Variants in SIN3B observed in about 807,000 individuals in gnomAD.
The protein encoded by SIN3B is SIN3 transcription regulator family member B, also known as paired amphipathic helix protein Sin3b.
A neutral mutation model predicts 120.2 loss-of-function variants in SIN3B; 19 were observed. The ratio of observed to expected loss-of-function variants is 0.16; its 90% CI spans 0.11 to 0.23. The LOEUF (loss-of-function observed/expected upper bound fraction) is 0.23. Ranked by LOEUF, SIN3B falls within the 10% of genes least tolerant of loss-of-function variation. SIN3B has a pLI of 1.00. For synonymous variants in SIN3B, 654 were observed against 653.2 expected (o/e 1.00, Z -0.02); for missense variants, 1,073 against 1,573.0 (o/e 0.68, Z 5.38).
At chr19:16,844,398 G>T (rs143714701) in intron 4 of SIN3B, among the ~76,000 whole-genome samples, 135 of 152,242 alleles carry the variant, frequency 8.9e-4, no homozygotes, top group African/African-American at 3.2e-3. Flanking sequence ...GTTCTTATCC[G>T]TAAAATGGCC....
At position 16,878,308 on chromosome 19, in the gene SIN3B, A is replaced by G. The variant is rs2051639088; in HGVS notation, c.3080A>G (p.Lys1027Arg). ...GCCTGCGACGTGGACTGCCGCTTCA[A>G]GCTCAGCACTCACAAGATGGTGTTC... ...ESACDVDCRFKLSTHKMVFIV... is the reference protein window; with the variant it reads ...ESACDVDCRFRLSTHKMVFIV... The change falls in exon 18 of 19, where the codon AAG becomes AGG. Residue 1027 changes from lysine (K) to arginine (R), a missense_variant. Physicochemically the swap from Lys to Arg is conservative, Grantham distance 26. This residue lies in a region of SIN3B where 311 missense variants were observed against 400.3 expected (regional missense o/e 0.78). Transcript: ENST00000248054. 1 of 1,611,526 alleles carries G rather than the reference A, an allele frequency of 6.2e-7. No homozygotes were observed. The highest frequency in any genetic ancestry group is 8.5e-7 in the Non-Finnish European group (1 of 1,179,340).
At position 16,834,155 on chromosome 19, in the gene SIN3B, G is replaced by A. The variant is rs528725014; in HGVS notation, c.381+2508G>A. 4.4e-4 allele frequency among the ~76,000 whole-genome samples: 67 copies of A among 152,266 alleles called. No individual in the cohort carries two copies. The South Asian group carries it at 0.013, about 29-fold the overall frequency. On this transcript the variant is annotated intron_variant, in intron 3 of 18. Transcript: ENST00000248054. ...TGTGTCTTAGACCATGAAAGCCTTA[G>A]CAAGACTGATCTCCAGAACAGTCAC...
intron 1 of SIN3B, 88 bp from the exon 2 acceptor site, chr19:16,829,703 C>T: frequency 7.2e-7 from 1 of 1,382,446 alleles, no homozygotes; most frequent in Non-Finnish European, 1.0e-6. Context: ...TCCGAAAGCC[C>T]AGCCCATCCC....
rs1441309317 is a variant in SIN3B, at chr19:16,869,451, C to G, written c.1807-9C>G. On this transcript the variant is annotated splice_polypyrimidine_tract_variant and intron_variant, in intron 12 of 18. Coordinates refer to ENST00000248054, the MANE Select transcript of SIN3B (RefSeq NM_001297595.2). The stretch of plus-strand genomic sequence containing the variant: ...GCTTTCCACCTAATGGCCGCCCTTC[C>G]CCCCACAGCACCAGGAGCAGCACTC... The G allele has an allele frequency of 6.3e-7, 1 of 1,597,548 alleles. No individual in the cohort carries two copies. The highest frequency in any genetic ancestry group is 1.3e-5 in the African/African-American group (1 of 74,656).
In SIN3B at chr19:16,869,983, A is replaced by G; in HGVS notation, c.2330A>G (p.Tyr777Cys). 1.2e-6 allele frequency: 2 copies of G among 1,614,084 alleles called. No individual in the cohort carries two copies. Among genetic ancestry groups the G allele is most frequent in the Non-Finnish European group, 1.7e-6 (2 of 1,180,028 alleles). The change falls in exon 13 of 19, where the codon TAT (tyrosine) becomes TGT (cysteine). Residue 777 changes from tyrosine to cysteine, a missense_variant. By Grantham distance (194) the Tyr-to-Cys change is radical. This residue lies in a region of SIN3B where 52 missense variants were observed against 68.8 expected (regional missense o/e 0.76). Coordinates refer to ENST00000248054, the MANE Select transcript of SIN3B (RefSeq NM_001297595.2). ...YRQAQKQLLE[Y>C]RTEKEREKLL... ...CAGGCGCAGAAGCAGCTTCTGGAGT[A>G]TCGGACCGAGAAGGAGCGGGAGAAG...
intron 14 of SIN3B, among the ~76,000 whole-genome samples, chr19:16,872,956 GGC>G (rs982821333): frequency 6.6e-6 from 1 of 152,186 alleles, no homozygotes; most frequent in African/African-American, 2.4e-5. Context: ...TGTCTGCGGT[GGC>G]CGTCTATGTA....
intron 3 of SIN3B, 72 bp downstream of exon 3, chr19:16,831,719 T>A (rs1971281264): frequency 7.4e-7 from 1 of 1,357,608 alleles, no homozygotes; most frequent in South Asian, 1.2e-5. Context: ...TTGGGCCACG[T>A]GTCTCTCCTG....
chr19:16,847,900 C>T (rs1219337195), intron 5 of SIN3B, among the ~76,000 whole-genome samples: 1 of 152,208 alleles, frequency 6.6e-6, no homozygotes, highest in Non-Finnish European at 1.5e-5. Flanking sequence ...CCATCAGCAG[C>T]CACCCCATTC....
chr19:16,859,367 A>G (rs1971657505), intron 8 of SIN3B, among the ~76,000 whole-genome samples: 1 of 151,882 alleles, frequency 6.6e-6, no homozygotes, highest in Non-Finnish European at 1.5e-5. Flanking sequence ...GTGTTTCAGC[A>G]TCAGATGTGA....
In SIN3B at chr19:16,863,907, A is replaced by T. The variant is rs941201118; in HGVS notation, c.1383+111A>T. The T allele has an allele frequency of 1.4e-5, 10 of 728,184 alleles. No individual in the cohort carries two copies. In the African/African-American group the frequency reaches 1.7e-4, roughly 13 times the overall value. The allele number at this position is 728,184 out of a possible 1,614,324, so 45.1% of individuals were successfully genotyped here. A position where few individuals can be genotyped will look rare whatever the true frequency, so the allele number is the denominator to read the frequency against. ...CCCAGTCTCGTTTGGAGGAGCAGGA[A>T]TTGCAGCACATTCCAACAGCTCCTG... On this transcript the variant is annotated intron_variant, in intron 10 of 18. Transcript: ENST00000248054.
At chr19:16,859,543 C>G (rs1270770320) in intron 8 of SIN3B, among the ~76,000 whole-genome samples, 1 of 152,208 alleles carries the variant, frequency 6.6e-6, no homozygotes. Context: ...AGGCCTTTCC[C>G]TGGTGGTCTC....
intron 13 of SIN3B, among the ~76,000 whole-genome samples, chr19:16,870,587 C>T (rs938478190): frequency 6.6e-6 from 1 of 151,968 alleles, no homozygotes; most frequent in African/African-American, 2.4e-5. Flanking sequence ...GAGTCTTGCT[C>T]TATTGCCCAG....
chr19:16,829,453 CGGTGCCGGCGGCCCCGCGGGCCGG>C lies in SIN3B; in HGVS notation c.36_59del (p.Ala13_Gly20del). On this transcript the variant is annotated inframe_deletion, in exon 1 of 19. Coordinates refer to ENST00000248054, the MANE Select transcript of SIN3B (RefSeq NM_001297595.2). The stretch of plus-strand genomic sequence containing the variant: ...ACGCTGGCGGTGGCAGCGGTGGCAG[CGGTGCCGGCGGCCCCGCGGGCCGG>C]GGGCTGAGCGGCGCCCGCTGGGGTC... The C allele has an allele frequency of 8.2e-7, 1 of 1,214,062 alleles. No individual in the cohort carries two copies. The highest frequency in any genetic ancestry group is 1.0e-6 in the Non-Finnish European group (1 of 976,294). The allele number at this position is 1,214,062 out of a possible 1,614,324, so 75.2% of individuals were successfully genotyped here.
Position 16,830,808 on chromosome 19 carries a change from A to T in SIN3B, c.228-686A>T, listed in dbSNP as rs1281834659. On this transcript the variant is annotated intron_variant, in intron 2 of 18. Transcript: ENST00000248054. Reference sequence around the variant, plus strand: ...TTGCTCAGATGGAAACCTGTGTCATAGTCATCTCTATCTGATACAAAATGA... The same window carrying T: ...TTGCTCAGATGGAAACCTGTGTCATTGTCATCTCTATCTGATACAAAATGA... 2.0e-5 allele frequency among the ~76,000 whole-genome samples: 3 copies of T among 152,346 alleles called. No homozygotes were observed. The East Asian group carries it at 5.8e-4, about 29-fold the overall frequency.
chr19:16,853,267 C>A, intron 7 of SIN3B, 109 bp downstream of exon 7: 1 of 1,002,076 alleles, frequency 1.0e-6, no homozygotes, highest in Non-Finnish European at 1.5e-6. Context: ...AGGGTGGGTG[C>A]AGTCTGAGGA....
In SIN3B at chr19:16,866,541, G is replaced by A. The variant is rs1248559761; in HGVS notation, c.1791G>A (p.Glu597=). ...LRSKSLLNEI[E]SVYDEHQEQH... ...CCAAGAGCTTGCTCAACGAGATCGA[G>A]AGCGTCTACGACGAGGTAAAGCCTT... The change falls in exon 12 of 19, where the codon GAG becomes GAA. Residue 597 remains glutamate, a synonymous_variant. Transcript: ENST00000248054. The A allele has an allele frequency of 3.1e-6, 5 of 1,613,706 alleles. No homozygotes were observed. The highest frequency in any genetic ancestry group is 4.2e-6 in the Non-Finnish European group (5 of 1,179,992).
Position 16,829,433 on chromosome 19 carries a change from G to T in SIN3B, c.13G>T (p.Gly5Cys). The T allele has an allele frequency of 4.1e-6, 5 of 1,208,862 alleles. No homozygotes were observed. Among genetic ancestry groups the T allele is most frequent in the Non-Finnish European group, 4.1e-6 (4 of 972,954 alleles). 74.9% of individuals were successfully genotyped at this position (1,208,862 alleles called of 1,614,324 possible). MAHA[G>C]GGSGGSGAGG... ...TCCGACTTCGGACATGGCGCACGCT[G>T]GCGGTGGCAGCGGTGGCAGCGGTGC... Residue 5 changes from glycine (G) to cysteine (C), a missense_variant, in exon 1 of 19, where the codon GGC (glycine) becomes TGC (cysteine). Around this residue, in one of 7 missense-constraint regions of SIN3B, gnomAD observed 395 missense variants for 528.0 expected, o/e 0.75. Coordinates refer to ENST00000248054, the MANE Select transcript of SIN3B (RefSeq NM_001297595.2).
chr19:16,871,463 C>A, intron 14 of SIN3B, 65 bp downstream of exon 14: 1 of 1,485,320 alleles, frequency 6.7e-7, no homozygotes, highest in African/African-American at 1.4e-5. Context: ...TCATTTCACT[C>A]CCCGCTCGGG....
At chr19:16,837,915 GC>G (rs1971368278) in intron 3 of SIN3B, among the ~76,000 whole-genome samples, 1 of 152,144 alleles carries the variant, frequency 6.6e-6, no homozygotes, top group South Asian at 2.1e-4. Context: ...GCCATTTGAG[GC>G]TCTGTTAATC....
Sources: gnomAD v4.1 joint callset for allele counts (sites outside exome capture counted in the v4.1 genomes callset) on GRCh38, gnomAD v4.1.1 for gene constraint, gnomAD v4.1.1 regional missense constraint, MANE v1.5 for transcripts, NCBI Gene and HGNC (gene_info 2026-07-23, HGNC 2026-07-21) for gene names.